The following SPRED2 variants were observed in gnomAD, a reference collection of about 807,000 sequenced individuals.
The protein encoded by SPRED2 is sprouty related EVH1 domain containing 2.
Under a neutral mutation model 43.0 loss-of-function variants are expected in SPRED2, and 47 were observed. The ratio of observed to expected loss-of-function variants is 1.09; its 90% CI spans 0.87 to 1.40. SPRED2 has a LOEUF of 1.40. SPRED2 is among the 40% of genes most tolerant of loss of function. The pLI is 0.00. For missense variants in SPRED2, 561 were observed against 586.4 expected (o/e 0.96, Z 0.45); for synonymous variants, 225 against 225.7 (o/e 1.00, Z 0.03).
intron 1 of SPRED2, among the ~76,000 whole-genome samples, chr2:65,380,188 T>C (rs573850106): frequency 1.3e-5 from 2 of 152,306 alleles, no homozygotes; most frequent in South Asian, 2.1e-4. Flanking sequence ...ACTCCTTGGA[T>C]GCAGAGAACC....
intron 1 of SPRED2, among the ~76,000 whole-genome samples, chr2:65,413,585 C>T (rs1390285128): frequency 2.0e-5 from 3 of 152,192 alleles, no homozygotes; most frequent in South Asian, 2.1e-4. Flanking sequence ...AACTTGCTGA[C>T]GATTAGAGCT....
At chr2:65,333,359 G>A (rs1673871814) in intron 3 of SPRED2, among the ~76,000 whole-genome samples, 1 of 151,528 alleles carries the variant, frequency 6.6e-6, no homozygotes, top group Non-Finnish European at 1.5e-5. Context: ...AATTTCCAAC[G>A]AGAGACTGCA....
At chr2:65,349,170 G>A (rs1191178698) in intron 1 of SPRED2, among the ~76,000 whole-genome samples, 1 of 152,068 alleles carries the variant, frequency 6.6e-6, no homozygotes, top group Non-Finnish European at 1.5e-5. Flanking sequence ...AGCTGGGCGT[G>A]GCGGTGCTTT....
At chr2:65,309,175 T>C (rs1325782917), downstream of SPRED2, among the ~76,000 whole-genome samples, 2 of 148,344 alleles carry the variant, frequency 1.3e-5, no homozygotes, top group Non-Finnish European at 3.0e-5. Flanking sequence ...AAAAAAATCA[T>C]TAAAGTGTTT....
intron 1 of SPRED2, among the ~76,000 whole-genome samples, chr2:65,379,068 C>T (rs79506194): frequency 0.012 from 1,781 of 152,118 alleles, 33 homozygotes; most frequent in African/African-American, 0.039. Flanking sequence ...CCTACATTAC[C>T]GGTGCAATCA....
At chr2:65,353,670 A>T (rs1674570862) in intron 1 of SPRED2, among the ~76,000 whole-genome samples, 1 of 152,218 alleles carries the variant, frequency 6.6e-6, no homozygotes, top group Non-Finnish European at 1.5e-5. Context: ...TACAGTGCTG[A>T]TTTAGCATTC....
chr2:65,352,686 C>T (rs62139118), intron 1 of SPRED2, among the ~76,000 whole-genome samples: 16,816 of 152,252 alleles, frequency 0.11, 1,380 homozygotes, highest in Non-Finnish European at 0.16. Context: ...TGCAGTGGCG[C>T]GATCTCAGCT....
intron 1 of SPRED2, among the ~76,000 whole-genome samples, chr2:65,407,079 C>G (rs1676041693): frequency 6.6e-6 from 1 of 152,000 alleles, no homozygotes; most frequent in Non-Finnish European, 1.5e-5. Context: ...AGGCACCCAC[C>G]ACCATGCCCG....
downstream of SPRED2, chr2:65,310,749 G>T: frequency 4.3e-6 from 2 of 469,242 alleles, no homozygotes; most frequent in Non-Finnish European, 5.6e-6. Flanking sequence ...ATGTCCTTCG[G>T]CACAGGAAGC....
intron 1 of SPRED2, among the ~76,000 whole-genome samples, chr2:65,389,241 A>AT (rs1010767447): frequency 8.9e-6 from 1 of 112,348 alleles, no homozygotes; most frequent in African/African-American, 3.6e-5. Context: ...GACATGCTCA[A>AT]CCTTTTTTTT....
At chr2:65,327,713 C>CTTTTTTTTT (rs555549300) in intron 4 of SPRED2, among the ~76,000 whole-genome samples, 34 of 74,472 alleles carry the variant, frequency 4.6e-4, no homozygotes, top group African/African-American at 1.2e-3. Flanking sequence ...TTCTTTCTTT[C>CTTTTTTTTT]TTTTTTTTTT....
intron 1 of SPRED2, among the ~76,000 whole-genome samples, chr2:65,395,795 TG>T (rs1675745390): frequency 1.3e-5 from 2 of 152,192 alleles, no homozygotes; most frequent in Non-Finnish European, 1.5e-5. Context: ...CAGTTACTGC[TG>T]GAAGTCCTGC....
chr2:65,432,375 G>C lies in SPRED2; in HGVS notation c.-388C>G, dbSNP rs1035293431. On this transcript the variant is annotated 5_prime_UTR_variant, in exon 1 of 6. Coordinates refer to ENST00000356388, the MANE Select transcript of SPRED2 (RefSeq NM_181784.3). ...GGAGAGCGCCGGCCGCGGGTGGGGG[G>C]GCTCAGTCCGGGGTCGCCCCCGGGG... Among the ~76,000 whole-genome samples, 1 of 151,760 alleles carries C rather than the reference G, an allele frequency of 6.6e-6. No homozygotes were observed.
chr2:65,349,308 C>CAAAAAAAAAAAAAAAAAAA (rs59019958), intron 1 of SPRED2, among the ~76,000 whole-genome samples: 1 of 83,704 alleles, frequency 1.2e-5, no homozygotes, highest in Non-Finnish European at 2.3e-5. Flanking sequence ...GACTCTGTCT[C>CAAAAAAAAAAAAAAAAAAA]AAAAAAAAAA....
At chr2:65,350,885 G>C (rs1050237961) in intron 1 of SPRED2, among the ~76,000 whole-genome samples, 3 of 152,338 alleles carry the variant, frequency 2.0e-5, no homozygotes, top group East Asian at 1.9e-4. Context: ...TCTAGGGCCA[G>C]GCGGCCCTGA....
chr2:65,420,355 C>G (rs1179209882), intron 1 of SPRED2, among the ~76,000 whole-genome samples: 1 of 152,150 alleles, frequency 6.6e-6, no homozygotes, highest in Non-Finnish European at 1.5e-5. Context: ...TTTTTAGTAC[C>G]CCTTTTGGGG....
intron 4 of SPRED2, among the ~76,000 whole-genome samples, chr2:65,317,815 A>C (rs1373410872): frequency 6.6e-6 from 1 of 152,130 alleles, no homozygotes; most frequent in Non-Finnish European, 1.5e-5. Context: ...ACTGGAAGTG[A>C]GATGGATGAC....
At chr2:65,324,678 G>T (rs996427465) in intron 4 of SPRED2, among the ~76,000 whole-genome samples, 4 of 152,166 alleles carry the variant, frequency 2.6e-5, no homozygotes, top group African/African-American at 9.7e-5. Context: ...TCATGTAGAA[G>T]GCCACCTCTC....
intron 1 of SPRED2, among the ~76,000 whole-genome samples, chr2:65,412,197 A>C (rs1045783956): frequency 6.6e-6 from 1 of 152,170 alleles, no homozygotes; most frequent in African/African-American, 2.4e-5. Flanking sequence ...ACAATTTAGG[A>C]GGTGAATCTC....
Sources: allele counts gnomAD v4.1 joint callset (sites outside exome capture counted in the v4.1 genomes callset), GRCh38; gene constraint gnomAD v4.1.1; transcripts MANE v1.5; gene names NCBI Gene and HGNC (gene_info 2026-07-23, HGNC 2026-07-21).